The following NCOA1 variants were observed in gnomAD, a reference collection of about 807,000 sequenced individuals.
NCOA1 encodes the protein nuclear receptor coactivator 1, also known as Hin-2 protein.
A neutral mutation model predicts 150.9 loss-of-function variants in NCOA1; 35 were observed. That is an observed-to-expected ratio of 0.23 (90% confidence interval 0.18 to 0.31). The LOEUF is 0.31. Ranked by LOEUF, NCOA1 falls within the 10% of genes least tolerant of loss-of-function variation. The pLI is 1.00. For missense variants in NCOA1, 1,491 were observed against 1,749.3 expected, an observed-to-expected ratio of 0.85 and a Z score of 2.63; for synonymous variants, 590 against 630.0, an observed-to-expected ratio of 0.94 and a Z score of 0.95.
At chr2:24,657,820 A>T (rs1170715431) in intron 4 of NCOA1, among the ~76,000 whole-genome samples, 2 of 152,242 alleles carry the variant, frequency 1.3e-5, no homozygotes, top group Non-Finnish European at 2.9e-5. Flanking sequence ...TTATAAGGGT[A>T]GATGGAGTAA....
chr2:24,726,519 T>A, intron 14 of NCOA1, 70 bp from the exon 15 acceptor site: 1 of 916,370 alleles, frequency 1.1e-6, no homozygotes, highest in Non-Finnish European at 1.7e-6. Flanking sequence ...TCCAATATAT[T>A]ATTTTTGAAA....
intron 1 of NCOA1, among the ~76,000 whole-genome samples, chr2:24,506,478 T>C (rs1356031085): frequency 6.6e-6 from 1 of 152,186 alleles, no homozygotes; most frequent in Non-Finnish European, 1.5e-5. Flanking sequence ...TTGAAGGCTA[T>C]AGAACTTTGG....
intron 1 of NCOA1, among the ~76,000 whole-genome samples, chr2:24,494,108 C>T (rs576521263): frequency 6.6e-6 from 1 of 152,250 alleles, no homozygotes; most frequent in South Asian, 2.1e-4. Flanking sequence ...TCCTGCTAAT[C>T]CAGTGAGCGG....
intron 15 of NCOA1, among the ~76,000 whole-genome samples, chr2:24,727,398 C>G (rs1454409971): frequency 6.6e-6 from 1 of 152,074 alleles, no homozygotes; most frequent in Non-Finnish European, 1.5e-5. Flanking sequence ...TTTTGTCCAG[C>G]ATTTCTCTTC....
intron 1 of NCOA1, among the ~76,000 whole-genome samples, chr2:24,535,697 C>G (rs1370456515): frequency 6.6e-6 from 1 of 152,024 alleles, no homozygotes; most frequent in Non-Finnish European, 1.5e-5. Flanking sequence ...TTTATTTTTC[C>G]TTCACTTATG....
At chr2:24,504,027 G>A (rs768362677) in intron 1 of NCOA1, among the ~76,000 whole-genome samples, 4 of 152,054 alleles carry the variant, frequency 2.6e-5, no homozygotes, top group Non-Finnish European at 2.9e-5. Flanking sequence ...GAGCCACTGC[G>A]CCTGGCTACT....
intron 1 of NCOA1, among the ~76,000 whole-genome samples, chr2:24,558,576 CT>C (rs1020586182): frequency 6.6e-6 from 1 of 152,194 alleles, no homozygotes; most frequent in African/African-American, 2.4e-5. Flanking sequence ...TTACTTCCCC[CT>C]GGGTCCCTCC....
intron 3 of NCOA1, among the ~76,000 whole-genome samples, chr2:24,596,285 G>A (rs1572466246): frequency 6.6e-6 from 1 of 152,090 alleles, no homozygotes; most frequent in East Asian, 1.9e-4. Context: ...AATACTTGTG[G>A]AAAATTATAG....
chr2:24,526,924 G>A (rs559688396), intron 1 of NCOA1, among the ~76,000 whole-genome samples: 55 of 152,180 alleles, frequency 3.6e-4, no homozygotes, highest in African/African-American at 1.3e-3. Flanking sequence ...TATTTACATA[G>A]TGTTTACATT....
At position 24,739,970 on chromosome 2, in the gene NCOA1, C is replaced by CTT. The variant is rs200840030; in HGVS notation, c.3303+447_3303+448dup. On this transcript the variant is annotated intron_variant, in intron 18 of 22. Transcript: ENST00000348332. Reference sequence around the variant, plus strand: ...TAGCTTGTATTTATTTTTTAAATCCCTTTTTTTTTTTAATAAACCCAGAGC... The same window carrying CTT: ...TAGCTTGTATTTATTTTTTAAATCCCTTTTTTTTTTTTTAATAAACCCAGAGC... Among the ~76,000 whole-genome samples, 4 of 145,020 alleles carry CTT rather than the reference C, an allele frequency of 2.8e-5. No homozygotes were observed. In the South Asian group the frequency reaches 8.7e-4, roughly 32 times the overall value.
chr2:24,516,846 T>A (rs1471147009), intron 1 of NCOA1, among the ~76,000 whole-genome samples: 1 of 139,038 alleles, frequency 7.2e-6, no homozygotes, highest in African/African-American at 2.5e-5. Context: ...TTTTTCATTT[T>A]AAAAATATAT....
intron 1 of NCOA1, among the ~76,000 whole-genome samples, chr2:24,526,499 T>G (rs1350208808): frequency 6.7e-6 from 1 of 149,874 alleles, no homozygotes; most frequent in Non-Finnish European, 1.5e-5. Flanking sequence ...CTTTGGACTA[T>G]TGTCTCGACC....
chr2:24,542,603 A>G (rs976395262), intron 1 of NCOA1, among the ~76,000 whole-genome samples: 13 of 152,314 alleles, frequency 8.5e-5, no homozygotes, highest in African/African-American at 3.1e-4. Flanking sequence ...CTTTATCGCC[A>G]AATAGCATTG....
At chr2:24,499,664 A>C (rs1039856883) in intron 1 of NCOA1, among the ~76,000 whole-genome samples, 3 of 152,202 alleles carry the variant, frequency 2.0e-5, no homozygotes, top group African/African-American at 4.8e-5. Flanking sequence ...TGACTGTATA[A>C]ATGAGATTGG....
chr2:24,621,272 G>A (rs1669140793), intron 3 of NCOA1, among the ~76,000 whole-genome samples: 1 of 151,878 alleles, frequency 6.6e-6, no homozygotes, highest in African/African-American at 2.4e-5. Context: ...CATCTTTCCT[G>A]AGGCTTCCTT....
At position 24,739,522 on chromosome 2, in the gene NCOA1, A is replaced by T. The variant is rs764242362; in HGVS notation, c.3292A>T (p.Ile1098Phe). The T allele has an allele frequency of 1.2e-6, 2 of 1,612,460 alleles. No individual in the cohort carries two copies. Among genetic ancestry groups the T allele is most frequent in the Admixed American group, 3.3e-5 (2 of 60,016 alleles). ...INMRSGMQQQ[I>F]TPQPPLNAQM... is the part of the protein sequence containing the mutation. Reference sequence around the variant, plus strand: ...TATGAGATCAGGCATGCAACAGCAAATTACACCTCAGGTAATGTGAGAAAA... The same window carrying T: ...TATGAGATCAGGCATGCAACAGCAATTTACACCTCAGGTAATGTGAGAAAA... Residue 1098 changes from isoleucine (I) to phenylalanine (F), a missense_variant, in exon 18 of 23, where the codon ATT (isoleucine) becomes TTT (phenylalanine). Ile to Phe is a conservative substitution (Grantham distance 21). Transcript: ENST00000348332.
intron 1 of NCOA1, among the ~76,000 whole-genome samples, chr2:24,506,995 G>C (rs1663723964): frequency 6.6e-6 from 1 of 152,182 alleles, no homozygotes; most frequent in Non-Finnish European, 1.5e-5. Flanking sequence ...TTCTCTTGTA[G>C]AATTCTTGTG....
At chr2:24,611,769 T>C (rs924740173) in intron 3 of NCOA1, among the ~76,000 whole-genome samples, 1 of 152,230 alleles carries the variant, frequency 6.6e-6, no homozygotes, top group African/African-American at 2.4e-5. Context: ...ATTTACATGA[T>C]AGATCTTTCT....
In NCOA1 at chr2:24,693,287, T is replaced by C; in HGVS notation, c.748T>C (p.Leu250=). 2 of 1,614,202 alleles carry C rather than the reference T, an allele frequency of 1.2e-6. No individual in the cohort carries two copies. The highest frequency in any genetic ancestry group is 1.7e-6 in the Non-Finnish European group (2 of 1,180,026). Residue 250 remains leucine, a synonymous_variant, in exon 10 of 23, where the codon TTA becomes CTA. Coordinates refer to ENST00000348332, the MANE Select transcript of NCOA1 (RefSeq NM_003743.5). ...QSCLICIARR[L]PRPPAITGVE... ...ATGTCTGATTTGTATTGCACGGCGA[T>C]TACCTCGGCCTCCAGCTATTACGGG... is the stretch of plus-strand genomic sequence containing the variant.
Sources: allele counts gnomAD v4.1 joint callset (sites outside exome capture counted in the v4.1 genomes callset), GRCh38; gene constraint gnomAD v4.1.1; transcripts MANE v1.5; gene names NCBI Gene and HGNC (gene_info 2026-07-23, HGNC 2026-07-21).